The following PSD3 variants were observed in gnomAD, a reference collection of about 807,000 sequenced individuals.
PSD3 encodes pleckstrin and Sec7 domain containing 3, also known as PH and SEC7 domain-containing protein 3.
In PSD3, 49 loss-of-function variants were observed where a neutral mutation model predicts 105.5. The ratio of observed to expected loss-of-function variants is 0.46; its 90% CI spans 0.37 to 0.59. The LOEUF is 0.59. PSD3 is among the 20% of genes least tolerant of loss of function. The pLI is 0.00. For synonymous variants in PSD3, 557 were observed against 457.8 expected (o/e 1.22, Z -2.77); for missense variants, 1,561 against 1,263.8 (o/e 1.24, Z -3.57).
chr8:18,783,137 TA>T (rs1221332831), intron 8 of PSD3, among the ~76,000 whole-genome samples: 2 of 152,236 alleles, frequency 1.3e-5, no homozygotes, highest in Non-Finnish European at 2.9e-5. Context: ...CTTTTCTTTG[TA>T]GGAAGTTTTC....
intron 1 of PSD3, among the ~76,000 whole-genome samples, chr8:18,975,397 G>A (rs1824884857): frequency 6.6e-6 from 1 of 151,068 alleles, no homozygotes; most frequent in Non-Finnish European, 1.5e-5. Context: ...GTATGGCTCA[G>A]GAGTAGAAGG....
chr8:18,691,289 T>G (rs1373356728), intron 9 of PSD3, among the ~76,000 whole-genome samples: 1 of 152,204 alleles, frequency 6.6e-6, no homozygotes, highest in East Asian at 1.9e-4. Context: ...ATGTAAGATG[T>G]TTTAGACCAG....
rs1028839872 is a variant in PSD3, at chr8:18,705,649, T to C, written c.2173-49964A>G. On this transcript the variant is annotated intron_variant, in intron 9 of 15. Transcript: ENST00000327040. ...ACATATTGATATGTAAAGATCTTTT[T>C]AGTATATTAATAGGTAAAAAAGAAG... Among the ~76,000 whole-genome samples the C allele has an allele frequency of 6.6e-5, 10 of 152,208 alleles. No homozygotes were observed. The East Asian group carries it at 1.7e-3, about 26-fold the overall frequency.
At chr8:18,734,493 C>T (rs1456582455) in intron 9 of PSD3, 1 of 152,040 alleles carries the variant, frequency 6.6e-6, no homozygotes, top group Non-Finnish European at 1.5e-5. Flanking sequence ...AGATTTTGTT[C>T]CTCCTGGCAA....
chr8:18,916,089 T>G (rs1387249864), intron 2 of PSD3, among the ~76,000 whole-genome samples: 1 of 151,092 alleles, frequency 6.6e-6, no homozygotes, highest in African/African-American at 2.4e-5. Flanking sequence ...AGAGCGAAAC[T>G]CCGACTCAAA....
chr8:18,623,230 T>A (rs576356661), intron 11 of PSD3, among the ~76,000 whole-genome samples: 43 of 118,654 alleles, frequency 3.6e-4, no homozygotes, highest in African/African-American at 1.6e-3. Flanking sequence ...GTTTTCTAAT[T>A]GTAATTTTCC....
chr8:18,818,973 A>T (rs1246310377), intron 4 of PSD3, among the ~76,000 whole-genome samples: 1 of 152,136 alleles, frequency 6.6e-6, no homozygotes, highest in African/African-American at 2.4e-5. Context: ...GTTACATCAG[A>T]GACCCTTGAT....
intron 12 of PSD3, among the ~76,000 whole-genome samples, chr8:18,589,241 A>C (rs1803422487): frequency 6.6e-6 from 1 of 152,164 alleles, no homozygotes; most frequent in Non-Finnish European, 1.5e-5. Flanking sequence ...TAGGAAAATA[A>C]AGACAGTATG....
intron 9 of PSD3, among the ~76,000 whole-genome samples, chr8:18,704,575 C>T (rs1435210770): frequency 6.6e-6 from 1 of 152,160 alleles, no homozygotes; most frequent in African/African-American, 2.4e-5. Flanking sequence ...CTCCTGACCT[C>T]GTGATCTGCC....
intron 4 of PSD3, among the ~76,000 whole-genome samples, chr8:18,827,513 C>T (rs959163226): frequency 3.3e-5 from 5 of 151,984 alleles, no homozygotes; most frequent in Non-Finnish European, 4.4e-5. Context: ...GATTCAAGAG[C>T]GGTAACTAGG....
At chr8:19,032,894 T>G (rs1827817951) in intron 1 of PSD3, among the ~76,000 whole-genome samples, 1 of 152,110 alleles carries the variant, frequency 6.6e-6, no homozygotes, top group Non-Finnish European at 1.5e-5. Flanking sequence ...AAGGCTAGTT[T>G]AATGGTCAAA....
intron 4 of PSD3, among the ~76,000 whole-genome samples, chr8:18,811,919 G>C (rs1388328419): frequency 5.3e-5 from 8 of 152,130 alleles, no homozygotes; most frequent in Non-Finnish European, 1.0e-4. Context: ...GTGTATAAAT[G>C]CTTATTAAGT....
chr8:18,682,870 G>A (rs1310327867), intron 9 of PSD3, among the ~76,000 whole-genome samples: 1 of 152,034 alleles, frequency 6.6e-6, no homozygotes, highest in African/African-American at 2.4e-5. Flanking sequence ...ATAACCCCGA[G>A]AAGGCTGAAA....
At chr8:18,604,802 A>G (rs993670964) in intron 11 of PSD3, among the ~76,000 whole-genome samples, 1 of 152,184 alleles carries the variant, frequency 6.6e-6, no homozygotes, top group Admixed American at 6.5e-5. Context: ...CCATGGCTCA[A>G]AGGGGCCTGG....
chr8:18,813,887 C>T (rs903534747), intron 4 of PSD3, among the ~76,000 whole-genome samples: 2 of 152,174 alleles, frequency 1.3e-5, no homozygotes, highest in South Asian at 2.1e-4. Context: ...AAACAAAAAA[C>T]GTCTGCTCCT....
chr8:18,674,992 C>A (rs1799990750), intron 9 of PSD3, among the ~76,000 whole-genome samples: 1 of 151,956 alleles, frequency 6.6e-6, no homozygotes. Flanking sequence ...CAAAGTGAGA[C>A]CCTGTCTCCA....
intron 2 of PSD3, among the ~76,000 whole-genome samples, chr8:18,890,340 T>C (rs778845501): frequency 6.6e-6 from 1 of 152,170 alleles, no homozygotes; most frequent in African/African-American, 2.4e-5. Context: ...ATTGAGTTTT[T>C]GTATTTTAGT....
At position 18,808,870 on chromosome 8, in the gene PSD3, C is replaced by A. The variant is rs542043412; in HGVS notation, c.1635-3972G>T. 8.8e-6 allele frequency: 14 copies of A among 1,597,082 alleles called. No homozygotes were observed. The Admixed American group carries it at 1.1e-4, about 12-fold the overall frequency. On this transcript the variant is annotated intron_variant, in intron 4 of 15. Coordinates refer to ENST00000327040, the MANE Select transcript of PSD3 (RefSeq NM_015310.4). Reference sequence around the variant, plus strand: ...TTCAGCTCCCAAGTTCAGTGACTGCCGAGCCTCACAGCCTTCCAAGAACCT... The same window carrying A: ...TTCAGCTCCCAAGTTCAGTGACTGCAGAGCCTCACAGCCTTCCAAGAACCT...
At position 18,644,495 on chromosome 8, in the gene PSD3, T is replaced by C. The variant is rs370077389; in HGVS notation, c.2216+11147A>G. Reference sequence around the variant, plus strand: ...GGACAGTCTTTACTCCAGTTTCAAATACCTTGTTCTTCATTTCTACCTGAG... The same window carrying C: ...GGACAGTCTTTACTCCAGTTTCAAACACCTTGTTCTTCATTTCTACCTGAG... On this transcript the variant is annotated intron_variant, in intron 10 of 15. Coordinates refer to ENST00000327040, the MANE Select transcript of PSD3 (RefSeq NM_015310.4). Among the ~76,000 whole-genome samples, 6 of 152,332 alleles carry C rather than the reference T, an allele frequency of 3.9e-5. No homozygotes were observed. In the East Asian group the frequency reaches 5.8e-4, roughly 15 times the overall value.
Sources: allele counts gnomAD v4.1 joint callset (sites outside exome capture counted in the v4.1 genomes callset), GRCh38; gene constraint gnomAD v4.1.1; transcripts MANE v1.5; gene names NCBI Gene and HGNC (gene_info 2026-07-23, HGNC 2026-07-21).